The following COL4A4 variants were observed in gnomAD, a reference collection of about 807,000 sequenced individuals.
COL4A4 encodes the protein collagen alpha-4(IV) chain.
COL4A4 carries 105 observed loss-of-function variants against 192.9 expected under a neutral mutation model. The observed-to-expected ratio is 0.54, with a 90% CI of 0.46 to 0.64. The LOEUF (loss-of-function observed/expected upper bound fraction) is 0.64. COL4A4 is among the 30% of genes least tolerant of loss of function. COL4A4 has a pLI of 0.00. For synonymous variants in COL4A4, 762 were observed against 769.9 expected, an observed-to-expected ratio of 0.99 and a Z score of 0.17; for missense variants, 1,967 against 2,169.3, an observed-to-expected ratio of 0.91 and a Z score of 1.85.
At chr2:226,982,249 G>C in the COL4A4 span, among the ~76,000 whole-genome samples, 1 of 152,242 alleles carries the variant, frequency 6.6e-6, no homozygotes, top group Non-Finnish European at 1.5e-5. Context: ...TCTCAGAGCA[G>C]TTTGTCTTCC....
chr2:227,041,834 AAG>A (rs1354325705), intron 37 of COL4A4, among the ~76,000 whole-genome samples: 4 of 41,822 alleles, frequency 9.6e-5, no homozygotes, highest in African/African-American at 2.6e-4. Flanking sequence ...GAAAGAAAGA[AAG>A]AAAGAAAGAA....
At chr2:227,012,151 C>G in intron 45 of COL4A4, 30 bp downstream of exon 45, 2 of 1,519,132 alleles carry the variant, frequency 1.3e-6, no homozygotes, top group Non-Finnish European at 1.8e-6. Flanking sequence ...TTTACAGTGT[C>G]AGAGAAAAGA....
intron 2 of COL4A4, among the ~76,000 whole-genome samples, chr2:227,146,523 C>T (rs2063559664): frequency 1.3e-5 from 2 of 152,084 alleles, no homozygotes; most frequent in Admixed American, 1.3e-4. Context: ...TATTGGTTTC[C>T]TGTTTTCCTA....
intron 4 of COL4A4, among the ~76,000 whole-genome samples, chr2:227,139,193 A>G (rs2141827): frequency 0.52 from 79,731 of 152,008 alleles, 21,802 homozygotes; most frequent in African/African-American, 0.67. Context: ...TGGATCTGCC[A>G]GCACCTTGTT....
At chr2:227,022,876 T>A (rs1312862895) in intron 43 of COL4A4, among the ~76,000 whole-genome samples, 1 of 152,152 alleles carries the variant, frequency 6.6e-6, no homozygotes, top group Admixed American at 6.5e-5. Context: ...TGGGGCCCCA[T>A]CTAGACTAAT....
At chr2:226,988,261 C>A in the COL4A4 span, 10 of 1,434,884 alleles carry the variant, frequency 7.0e-6, no homozygotes, top group South Asian at 1.4e-5. Flanking sequence ...CATATCAGGG[C>A]CCTGAGGAGG....
chr2:227,091,188 G>A (rs1308463415), intron 20 of COL4A4, among the ~76,000 whole-genome samples: 2 of 151,532 alleles, frequency 1.3e-5, no homozygotes, highest in Non-Finnish European at 2.9e-5. Flanking sequence ...TTGCATCCCT[G>A]AAACATGAAC....
intron 1 of COL4A4, among the ~76,000 whole-genome samples, chr2:227,148,888 C>G (rs2063732120): frequency 6.6e-6 from 1 of 150,784 alleles, no homozygotes; most frequent in South Asian, 2.1e-4. Context: ...ATGGCCCAGG[C>G]TGGAGTGCAA....
chr2:227,158,655 G>A (rs532116970), intron 1 of COL4A4, among the ~76,000 whole-genome samples: 32 of 151,676 alleles, frequency 2.1e-4, no homozygotes, highest in South Asian at 1.0e-3. Context: ...AATTTTAAGC[G>A]GAAAAAAGAT....
At chr2:227,034,835 C>A (rs373412537) in intron 37 of COL4A4, among the ~76,000 whole-genome samples, 2 of 147,382 alleles carry the variant, frequency 1.4e-5, no homozygotes, top group Non-Finnish European at 3.0e-5. Flanking sequence ...TTTGTTCTTG[C>A]GATAGTTTAC....
intron 17 of COL4A4, 87 bp downstream of exon 17, chr2:227,101,417 T>C: frequency 9.2e-7 from 1 of 1,083,726 alleles, no homozygotes; most frequent in Non-Finnish European, 1.3e-6. Context: ...TCTTGAATGA[T>C]TCCTGGCAAT....
chr2:227,103,694 A>G (rs1422070875), intron 13 of COL4A4, among the ~76,000 whole-genome samples: 1 of 152,152 alleles, frequency 6.6e-6, no homozygotes, highest in Non-Finnish European at 1.5e-5. Context: ...TTTTCAATCC[A>G]CACGTCAAAA....
chr2:227,010,528 A>G (rs1390702615), intron 45 of COL4A4, 27 bp from the exon 46 acceptor site: 1 of 1,507,206 alleles, frequency 6.6e-7, no homozygotes, highest in South Asian at 1.3e-5. Context: ...AAAAAATTGA[A>G]GGCAGGTTAG....
At chr2:227,049,973 C>T in intron 34 of COL4A4, 95 bp downstream of exon 34, 1 of 1,177,902 alleles carries the variant, frequency 8.5e-7, no homozygotes, top group Non-Finnish European at 1.3e-6. Flanking sequence ...TTCTTTGATA[C>T]ACTTTGCTTA....
chr2:227,102,396 T>C (rs1030051517), intron 15 of COL4A4, among the ~76,000 whole-genome samples: 1 of 152,220 alleles, frequency 6.6e-6, no homozygotes, highest in Non-Finnish European at 1.5e-5. Flanking sequence ...TGAGTGGGCT[T>C]TCTATTAGTG....
At chr2:227,137,708 C>G (rs565039855) in intron 4 of COL4A4, among the ~76,000 whole-genome samples, 7 of 152,190 alleles carry the variant, frequency 4.6e-5, no homozygotes, top group African/African-American at 1.4e-4. Context: ...CATTGGGAGA[C>G]CCACTGAGGT....
At chr2:226,995,852 G>A in the COL4A4 span, 1 of 280,498 alleles carries the variant, frequency 3.6e-6, no homozygotes, top group Non-Finnish European at 6.6e-6. Context: ...TTCACCAGGA[G>A]GTTTTACTTA....
chr2:226,975,674 G>A, the COL4A4 span, among the ~76,000 whole-genome samples: 1 of 152,142 alleles, frequency 6.6e-6, no homozygotes, highest in African/African-American at 2.4e-5. Flanking sequence ...CATGCAGAAG[G>A]AACTCATTAA....
intron 4 of COL4A4, among the ~76,000 whole-genome samples, chr2:227,126,428 C>T (rs2062093672): frequency 6.6e-6 from 1 of 152,212 alleles, no homozygotes; most frequent in South Asian, 2.1e-4. Flanking sequence ...TACAACTTCA[C>T]ACCATGAGCA....
Sources: allele counts gnomAD v4.1 joint callset (sites outside exome capture counted in the v4.1 genomes callset), GRCh38; gene constraint gnomAD v4.1.1; transcripts MANE v1.5; gene names NCBI Gene and HGNC (gene_info 2026-07-23, HGNC 2026-07-21).